Variants in DSCAM observed in about 807,000 individuals in gnomAD.
DSCAM encodes cell adhesion molecule DSCAM.
In DSCAM, 47 loss-of-function variants were observed where a neutral mutation model predicts 217.7. The observed-to-expected ratio is 0.22, with a 90% CI of 0.17 to 0.28. The LOEUF is 0.28. DSCAM is among the 10% of genes least tolerant of loss of function. The pLI is 1.00. For missense variants in DSCAM, 2,080 were observed against 2,618.3 expected, an observed-to-expected ratio of 0.79 and a Z score of 4.49; for synonymous variants, 1,056 against 1,015.3, an observed-to-expected ratio of 1.04 and a Z score of -0.76.
At chr21:40,741,279 T>C (rs888704152) in intron 1 of DSCAM, among the ~76,000 whole-genome samples, 5 of 152,246 alleles carry the variant, frequency 3.3e-5, no homozygotes, top group African/African-American at 9.6e-5. Context: ...AGTGAAATGC[T>C]GTTGGACAGA....
intron 11 of DSCAM, among the ~76,000 whole-genome samples, chr21:40,223,048 C>T (rs2091301838): frequency 6.6e-6 from 1 of 152,164 alleles, no homozygotes; most frequent in African/African-American, 2.4e-5. Context: ...GCATCCCTAC[C>T]AACCTTTGTT....
intron 8 of DSCAM, among the ~76,000 whole-genome samples, chr21:40,333,092 T>C (rs2074394045): frequency 6.6e-6 from 1 of 152,188 alleles, no homozygotes; most frequent in Non-Finnish European, 1.5e-5. Context: ...ATTAGCTGGC[T>C]GAAATATTCA....
intron 14 of DSCAM, 86 bp from the exon 15 acceptor site, chr21:40,179,180 A>G: frequency 1.3e-6 from 1 of 798,280 alleles, no homozygotes; most frequent in Non-Finnish European, 1.8e-6. Context: ...TAGGAATTAA[A>G]AACCAAAAAA....
intron 3 of DSCAM, among the ~76,000 whole-genome samples, chr21:40,595,089 C>T (rs2077011546): frequency 6.6e-6 from 1 of 152,182 alleles, no homozygotes; most frequent in African/African-American, 2.4e-5. Flanking sequence ...ATTTTACCAT[C>T]TGCTATGCAT....
intron 3 of DSCAM, among the ~76,000 whole-genome samples, chr21:40,418,128 G>A (rs1007403202): frequency 6.6e-6 from 1 of 152,148 alleles, no homozygotes; most frequent in Non-Finnish European, 1.5e-5. Context: ...TGAAGCCAGA[G>A]TATCAGTTGT....
chr21:40,476,806 A>C (rs189210844), intron 3 of DSCAM, among the ~76,000 whole-genome samples: 158 of 152,292 alleles, frequency 1.0e-3, no homozygotes, highest in Admixed American at 2.2e-3. Flanking sequence ...CAATAAGAAG[A>C]ATGAGTGGAA....
chr21:40,490,083 A>G (rs1218576197), intron 3 of DSCAM, among the ~76,000 whole-genome samples: 1 of 152,178 alleles, frequency 6.6e-6, no homozygotes, highest in East Asian at 1.9e-4. Flanking sequence ...CCTACATGGC[A>G]GCAGGCAAGA....
intron 3 of DSCAM, among the ~76,000 whole-genome samples, chr21:40,614,088 A>G (rs1042037693): frequency 6.6e-6 from 1 of 152,136 alleles, no homozygotes; most frequent in African/African-American, 2.4e-5. Context: ...GTCCCACCCC[A>G]GTCCCAATCC....
intron 3 of DSCAM, among the ~76,000 whole-genome samples, chr21:40,646,579 C>A (rs1268087977): frequency 6.6e-6 from 1 of 152,170 alleles, no homozygotes; most frequent in South Asian, 2.1e-4. Context: ...GCTTTTCTTC[C>A]TTGGATGAAA....
chr21:40,472,492 C>T (rs1390605127), intron 3 of DSCAM, among the ~76,000 whole-genome samples: 3 of 152,174 alleles, frequency 2.0e-5, no homozygotes, highest in East Asian at 3.9e-4. Flanking sequence ...AATGGAGGTA[C>T]ACATGCATCT....
chr21:40,255,763 TG>T (rs2073361912), intron 11 of DSCAM, among the ~76,000 whole-genome samples: 1 of 152,222 alleles, frequency 6.6e-6, no homozygotes. Flanking sequence ...AGGAATAGAA[TG>T]AGGCTTATAG....
chr21:40,074,322 G>C (rs2089334503), intron 27 of DSCAM, among the ~76,000 whole-genome samples: 1 of 152,166 alleles, frequency 6.6e-6, no homozygotes, highest in Non-Finnish European at 1.5e-5. Context: ...ACCCTCACTG[G>C]TAAAGGGCAA....
At chr21:40,502,134 A>G (rs1176492832) in intron 3 of DSCAM, among the ~76,000 whole-genome samples, 1 of 152,200 alleles carries the variant, frequency 6.6e-6, no homozygotes, top group Non-Finnish European at 1.5e-5. Flanking sequence ...TTTTAAAATT[A>G]TTAATATAGG....
chr21:40,795,296 C>G (rs554529607), intron 1 of DSCAM, among the ~76,000 whole-genome samples: 1 of 152,166 alleles, frequency 6.6e-6, no homozygotes, highest in Admixed American at 6.5e-5. Context: ...GCCCTATAAT[C>G]TCACTCCACC....
At chr21:40,835,786 A>G (rs1264959960) in intron 1 of DSCAM, among the ~76,000 whole-genome samples, 1 of 152,206 alleles carries the variant, frequency 6.6e-6, no homozygotes, top group Admixed American at 6.5e-5. Context: ...CAAGGACACG[A>G]TGTTTTGAAA....
intron 3 of DSCAM, among the ~76,000 whole-genome samples, chr21:40,378,080 G>A (rs2074980954): frequency 6.6e-6 from 1 of 152,108 alleles, no homozygotes; most frequent in Non-Finnish European, 1.5e-5. Context: ...TTGAGTTAAA[G>A]AACACTCCAC....
intron 1 of DSCAM, among the ~76,000 whole-genome samples, chr21:40,836,694 A>G (rs1272200302): frequency 6.6e-6 from 1 of 152,240 alleles, no homozygotes; most frequent in Non-Finnish European, 1.5e-5. Context: ...ATTATGGTTC[A>G]TGTGGATCAG....
At chr21:40,647,939 G>A (rs77255399) in intron 3 of DSCAM, among the ~76,000 whole-genome samples, 14 of 152,262 alleles carry the variant, frequency 9.2e-5, no homozygotes, top group African/African-American at 3.1e-4. Context: ...GACGCTGAGT[G>A]GGCAATGATG....
chr21:40,816,881 C>A (rs953133748), intron 1 of DSCAM, among the ~76,000 whole-genome samples: 2 of 151,996 alleles, frequency 1.3e-5, no homozygotes, highest in African/African-American at 4.8e-5. Context: ...CTAGAATACA[C>A]CTATGAGAAA....
Sources: gnomAD v4.1 joint callset for allele counts (sites outside exome capture counted in the v4.1 genomes callset) on GRCh38, gnomAD v4.1.1 for gene constraint, MANE v1.5 for transcripts, NCBI Gene and HGNC (gene_info 2026-07-23, HGNC 2026-07-21) for gene names.